Variants in GALK2 observed in about 807,000 individuals in gnomAD.
GALK2 encodes galactokinase 2.
Under a neutral mutation model 52.4 loss-of-function variants are expected in GALK2, and 36 were observed. The ratio of observed to expected loss-of-function variants is 0.69; its 90% confidence interval spans 0.53 to 0.91. GALK2 has a LOEUF of 0.91. GALK2 is among the 40% of genes least tolerant of loss of function. The pLI is 0.00. For synonymous variants in GALK2, 176 were observed against 199.1 expected (o/e 0.88, Z 0.98); for missense variants, 579 against 559.1 (o/e 1.04, Z -0.36).
intron 3 of GALK2, among the ~76,000 whole-genome samples, chr15:49,228,682 T>TATAC (rs1555409028): frequency 2.1e-4 from 3 of 14,554 alleles, no homozygotes; most frequent in East Asian, 1.7e-3. Flanking sequence ...TATATATATA[T>TATAC]ATATATTTTT....
At chr15:49,296,328 C>T (rs1055609150) in intron 8 of GALK2, among the ~76,000 whole-genome samples, 2 of 152,128 alleles carry the variant, frequency 1.3e-5, no homozygotes, top group Non-Finnish European at 2.9e-5. Flanking sequence ...TCTTTGTCAC[C>T]ATATGTACTC....
At chr15:49,292,606 C>A in intron 8 of GALK2, 69 bp downstream of exon 8, 1 of 1,288,066 alleles carries the variant, frequency 7.8e-7, no homozygotes, top group Non-Finnish European at 1.1e-6. Flanking sequence ...TCAATTTCTC[C>A]ACTGGTTTTA....
At position 49,242,056 on chromosome 15, in the gene GALK2, A is replaced by T. The variant is rs970203183; in HGVS notation, c.504+2689A>T. Among the ~76,000 whole-genome samples, 9 of 152,278 alleles carry T rather than the reference A, an allele frequency of 5.9e-5. 1 individual carries two copies. The highest frequency in any genetic ancestry group is 2.2e-4 in the African/African-American group (9 of 41,550). On this transcript the variant is annotated intron_variant, in intron 5 of 9. Transcript: ENST00000560031. Reference sequence around the variant, plus strand: ...TTTCTGGAGTGAGACAGAATCTTGAATGAAAGGAAGTCTGTAATTTGTTCA... The same window carrying T: ...TTTCTGGAGTGAGACAGAATCTTGATTGAAAGGAAGTCTGTAATTTGTTCA...
rs562928168 is a variant in GALK2, at chr15:49,317,316, C to A, written c.968-2288C>A. Among the ~76,000 whole-genome samples, 3 of 152,054 alleles carry A rather than the reference C, an allele frequency of 2.0e-5. No individual in the cohort carries two copies. The South Asian group carries it at 6.2e-4, about 32-fold the overall frequency. Reference sequence around the variant, plus strand: ...CCAAAAAACGTGAAAAAAAGTGCATCATCACTGGTCATTAGAGAAATGCAA... The same window carrying A: ...CCAAAAAACGTGAAAAAAAGTGCATAATCACTGGTCATTAGAGAAATGCAA... On this transcript the variant is annotated intron_variant, in intron 8 of 9. Transcript: ENST00000560031.
chr15:49,326,071 C>T (rs937955911), intron 9 of GALK2, among the ~76,000 whole-genome samples: 1 of 151,946 alleles, frequency 6.6e-6, no homozygotes, highest in Non-Finnish European at 1.5e-5. Context: ...AACTTGAGTC[C>T]AGCAAAACGG....
At chr15:49,256,143 T>G (rs1478411986) in intron 5 of GALK2, among the ~76,000 whole-genome samples, 2 of 152,130 alleles carry the variant, frequency 1.3e-5, no homozygotes, top group Admixed American at 1.3e-4. Flanking sequence ...GCAACGCGAA[T>G]TTGGTTTGAC....
chr15:49,213,011 T>C (rs2089052502), intron 2 of GALK2, among the ~76,000 whole-genome samples: 1 of 152,200 alleles, frequency 6.6e-6, no homozygotes, highest in Non-Finnish European at 1.5e-5. Flanking sequence ...TATCCATTTG[T>C]TCTATAGTGC....
At chr15:49,256,733 T>C (rs2091832146) in intron 5 of GALK2, among the ~76,000 whole-genome samples, 1 of 152,188 alleles carries the variant, frequency 6.6e-6, no homozygotes, top group African/African-American at 2.4e-5. Flanking sequence ...CTATTAACTT[T>C]TAACTTCACT....
At chr15:49,248,540 G>A (rs1239104723) in intron 5 of GALK2, among the ~76,000 whole-genome samples, 1 of 152,182 alleles carries the variant, frequency 6.6e-6, no homozygotes, top group African/African-American at 2.4e-5. Flanking sequence ...ACAAAAACCA[G>A]GAAGCTATAG....
intron 8 of GALK2, chr15:49,318,094 C>G (rs1214038243): frequency 1.3e-5 from 2 of 151,830 alleles, no homozygotes; most frequent in Non-Finnish European, 2.9e-5. Flanking sequence ...ATTTTCAGCC[C>G]TGTCTCTTTC....
chr15:49,230,201 A>G (rs376555824), intron 3 of GALK2, among the ~76,000 whole-genome samples: 1 of 152,114 alleles, frequency 6.6e-6, no homozygotes. Context: ...CAAGTTGCTT[A>G]AGACTTGGGG....
intron 2 of GALK2, among the ~76,000 whole-genome samples, chr15:49,202,958 T>G (rs907319605): frequency 6.6e-6 from 1 of 152,220 alleles, no homozygotes; most frequent in Non-Finnish European, 1.5e-5. Context: ...ATTAGTGATG[T>G]TGAGCATTTG....
chr15:49,246,654 A>T (rs2091365588), intron 5 of GALK2, among the ~76,000 whole-genome samples: 1 of 152,188 alleles, frequency 6.6e-6, no homozygotes. Context: ...GTTACCCAGA[A>T]TATGAATTGG....
At chr15:49,291,510 C>T (rs1324964910) in intron 7 of GALK2, among the ~76,000 whole-genome samples, 1 of 152,098 alleles carries the variant, frequency 6.6e-6, no homozygotes, top group Non-Finnish European at 1.5e-5. Flanking sequence ...TTAAAATGCC[C>T]CTCTGTCTTC....
At chr15:49,226,952 C>A (rs972351429) in intron 3 of GALK2, among the ~76,000 whole-genome samples, 4 of 152,152 alleles carry the variant, frequency 2.6e-5, no homozygotes, top group African/African-American at 9.7e-5. Context: ...GTATTTGATA[C>A]ACACTGTCTA....
At chr15:49,343,158 C>T (rs1468904209) in intron 3 of GALK2, among the ~76,000 whole-genome samples, 1 of 152,048 alleles carries the variant, frequency 6.6e-6, no homozygotes, top group Non-Finnish European at 1.5e-5. Flanking sequence ...TCAGGAATGC[C>T]AATAATTTAT....
intron 1 of GALK2, among the ~76,000 whole-genome samples, chr15:49,194,443 T>G (rs1465531797): frequency 6.6e-6 from 1 of 152,228 alleles, no homozygotes; most frequent in Non-Finnish European, 1.5e-5. Flanking sequence ...GCTAGTCTAT[T>G]TATGCACTGA....
intron 2 of GALK2, among the ~76,000 whole-genome samples, 170 bp downstream of exon 2, chr15:49,201,420 C>T (rs1179962316): frequency 6.6e-6 from 1 of 152,024 alleles, no homozygotes; most frequent in African/African-American, 2.4e-5. Flanking sequence ...TTATCTTTCC[C>T]AATCCATGTT....
intron 5 of GALK2, among the ~76,000 whole-genome samples, chr15:49,275,653 C>G (rs2031535195): frequency 6.6e-6 from 1 of 152,190 alleles, no homozygotes; most frequent in African/African-American, 2.4e-5. Flanking sequence ...CAGCTTTTAA[C>G]AATCTCATTA....
Sources: allele counts gnomAD v4.1 joint callset (sites outside exome capture counted in the v4.1 genomes callset), GRCh38; gene constraint gnomAD v4.1.1; transcripts MANE v1.5; gene names NCBI Gene and HGNC (gene_info 2026-07-23, HGNC 2026-07-21).